Variants in RABGAP1L observed in about 807,000 individuals in gnomAD.
RABGAP1L encodes RAB GTPase activating protein 1 like.
In RABGAP1L, 63 loss-of-function variants were observed where a neutral mutation model predicts 137.7. The observed-to-expected ratio is 0.46, with a 90% CI of 0.37 to 0.56. RABGAP1L has a LOEUF of 0.56. RABGAP1L is among the 20% of genes least tolerant of loss of function. RABGAP1L has a pLI of 0.00. For synonymous variants in RABGAP1L, 431 were observed against 433.7 expected (o/e 0.99, Z 0.08); for missense variants, 1,095 against 1,244.0 (o/e 0.88, Z 1.80).
intron 17 of RABGAP1L, among the ~76,000 whole-genome samples, chr1:174,718,932 C>T (rs143964081): frequency 2.0e-5 from 3 of 151,396 alleles, no homozygotes; most frequent in African/African-American, 7.3e-5. Flanking sequence ...CTCTGCTTCC[C>T]AGCTTCAAGC....
In RABGAP1L at chr1:174,756,470, T is replaced by TA. The variant is rs200682093; in HGVS notation, c.2211+4116_2211+4117insA. ...CTGCCCTGTACCATATATATATATA[T>TA]TTTTTTTTGAAAGCCACTGACTTTA... On this transcript the variant is annotated intron_variant, in intron 18 of 25. Transcript: ENST00000681986. Among the ~76,000 whole-genome samples, 531 of 150,512 alleles carry TA rather than the reference T, an allele frequency of 3.5e-3. 2 individuals carry two copies. Among genetic ancestry groups the TA allele is most frequent in the Admixed American group, 0.014 (212 of 15,092 alleles).
At chr1:174,570,493 A>G (rs2148047701) in intron 13 of RABGAP1L, among the ~76,000 whole-genome samples, 1 of 152,280 alleles carries the variant, frequency 6.6e-6, no homozygotes, top group South Asian at 2.1e-4. Context: ...AAATATGGCA[A>G]CAATAGACAC....
intron 11 of RABGAP1L, among the ~76,000 whole-genome samples, 158 bp downstream of exon 11, chr1:174,305,285 A>C (rs1678099608): frequency 6.6e-6 from 1 of 152,198 alleles, no homozygotes; most frequent in South Asian, 2.1e-4. Context: ...AATTTGGTTC[A>C]TTTGGTTCCT....
intron 19 of RABGAP1L, chr1:174,892,728 C>CTTTTT (rs201231625): frequency 1.5e-5 from 6 of 395,764 alleles, no homozygotes; most frequent in Admixed American, 3.1e-5. Context: ...TCTTTGTTTT[C>CTTTTT]TTTCTTTTTT....
At chr1:174,700,733 T>C (rs1457671279) in intron 16 of RABGAP1L, 1 of 177,900 alleles carries the variant, frequency 5.6e-6, no homozygotes, top group Non-Finnish European at 1.2e-5. Context: ...AAAAAGACTA[T>C]GTAGAAGAAT....
chr1:174,827,975 A>G (rs1470888259), intron 19 of RABGAP1L, among the ~76,000 whole-genome samples: 1 of 148,424 alleles, frequency 6.7e-6, no homozygotes, highest in Non-Finnish European at 1.5e-5. Flanking sequence ...GTATTATAAT[A>G]GAGTATTTTA....
chr1:174,892,672 A>G, intron 19 of RABGAP1L: 3 of 532,024 alleles, frequency 5.6e-6, no homozygotes, highest in East Asian at 5.3e-5. Flanking sequence ...GGGATGGTCC[A>G]TCACTTGCAA....
chr1:174,811,326 ATTC>A (rs1689852929), intron 18 of RABGAP1L, among the ~76,000 whole-genome samples: 1 of 152,184 alleles, frequency 6.6e-6, no homozygotes, highest in East Asian at 1.9e-4. Context: ...TCAATTTCCT[ATTC>A]TTTTCACTTG....
intron 19 of RABGAP1L, among the ~76,000 whole-genome samples, chr1:174,910,301 A>T (rs1029824044): frequency 6.6e-6 from 1 of 152,352 alleles, no homozygotes; most frequent in Middle Eastern, 3.4e-3. Context: ...ATTTCAATAG[A>T]TGCCAAAAAA....
chr1:174,718,072 T>C, intron 17 of RABGAP1L, among the ~76,000 whole-genome samples: 1 of 152,196 alleles, frequency 6.6e-6, no homozygotes, highest in East Asian at 1.9e-4. Flanking sequence ...TCAGGAAACC[T>C]CTGTGAAGCT....
At chr1:174,274,778 A>G (rs527615292) in intron 8 of RABGAP1L, among the ~76,000 whole-genome samples, 1 of 152,226 alleles carries the variant, frequency 6.6e-6, no homozygotes, top group African/African-American at 2.4e-5. Context: ...TTAGTGAAGT[A>G]TTACTAATAC....
intron 10 of RABGAP1L, among the ~76,000 whole-genome samples, chr1:174,301,137 C>G (rs928802343): frequency 2.0e-5 from 3 of 151,898 alleles, no homozygotes; most frequent in African/African-American, 7.3e-5. Context: ...TGTGAGCAAG[C>G]AAGTGTGGGG....
chr1:174,425,286 G>A (rs1651818455), intron 13 of RABGAP1L, among the ~76,000 whole-genome samples: 2 of 151,938 alleles, frequency 1.3e-5, no homozygotes, highest in African/African-American at 4.8e-5. Flanking sequence ...CTTTTTGAAT[G>A]TAAACATTTC....
chr1:174,643,333 G>C (rs1674689346), intron 14 of RABGAP1L, among the ~76,000 whole-genome samples: 1 of 152,156 alleles, frequency 6.6e-6, no homozygotes, highest in Middle Eastern at 3.2e-3. Flanking sequence ...TCTCTCCCTT[G>C]ATTTCCTAGT....
At chr1:174,719,330 A>G (rs936758628) in intron 17 of RABGAP1L, among the ~76,000 whole-genome samples, 1 of 152,230 alleles carries the variant, frequency 6.6e-6, no homozygotes, top group African/African-American at 2.4e-5. Context: ...ATTACATGTT[A>G]CGTAATATAT....
intron 1 of RABGAP1L, among the ~76,000 whole-genome samples, chr1:174,193,541 A>G (rs894466910): frequency 6.6e-6 from 1 of 152,196 alleles, no homozygotes; most frequent in African/African-American, 2.4e-5. Context: ...AAAAATCCCC[A>G]AAATAGAAAA....
chr1:174,747,088 A>G (rs1683932390), intron 17 of RABGAP1L, among the ~76,000 whole-genome samples: 1 of 152,160 alleles, frequency 6.6e-6, no homozygotes, highest in Non-Finnish European at 1.5e-5. Flanking sequence ...TTGAAAATGT[A>G]TGAGATATTT....
chr1:174,792,061 G>A (rs975640557), intron 18 of RABGAP1L, among the ~76,000 whole-genome samples: 1 of 152,198 alleles, frequency 6.6e-6, no homozygotes, highest in African/African-American at 2.4e-5. Context: ...CCAGATTACA[G>A]TGCAGGAAAT....
chr1:174,491,486 C>T (rs904966836), intron 13 of RABGAP1L, among the ~76,000 whole-genome samples: 1 of 151,894 alleles, frequency 6.6e-6, no homozygotes, highest in African/African-American at 2.4e-5. Flanking sequence ...TTCCTCTCCT[C>T]AAGCAGAAGC....
Sources: gnomAD v4.1 joint callset for allele counts (sites outside exome capture counted in the v4.1 genomes callset) on GRCh38, gnomAD v4.1.1 for gene constraint, MANE v1.5 for transcripts, NCBI Gene and HGNC (gene_info 2026-07-23, HGNC 2026-07-21) for gene names.